The following DNAAF6 variants were observed in gnomAD, a reference collection of about 807,000 sequenced individuals.
DNAAF6 encodes the protein PIH1 domain containing 3.
Under a neutral mutation model 13.7 loss-of-function variants are expected in DNAAF6, and 3 were observed. That is an observed-to-expected ratio of 0.22 (90% CI 0.10 to 0.56). The LOEUF (loss-of-function observed/expected upper bound fraction) is 0.56, where lower values mean the gene tolerates loss of function less well. Among genes scored for constraint, DNAAF6 ranks in the 20% least tolerant of loss-of-function variants. The pLI, the probability that DNAAF6 is intolerant of heterozygous loss-of-function variation, is 0.92. For missense variants in DNAAF6, 130 were observed against 151.0 expected (o/e 0.86, Z 0.73); for synonymous variants, 54 against 49.2 (o/e 1.10, Z -0.41).
intron 5 of DNAAF6, among the ~76,000 whole-genome samples, chrX:107,224,285 C>G (rs1391969466): frequency 2.7e-5 from 3 of 111,599 alleles, no homozygotes; most frequent in Non-Finnish European, 5.7e-5. Flanking sequence ...TGGGATAAGT[C>G]ATGGACACCA....
chrX:107,215,195 T>C (rs987421242), intron 2 of DNAAF6, among the ~76,000 whole-genome samples: 5 of 111,851 alleles, frequency 4.5e-5, no homozygotes, highest in African/African-American at 1.6e-4. Context: ...TTATTTTTAA[T>C]CATTTATTTT....
chrX:107,218,892 T>C lies in DNAAF6; in HGVS notation c.255T>C (p.Asn85=). 1.7e-6 allele frequency: 2 copies of C among 1,193,868 alleles called. No homozygotes were observed. The highest frequency in any genetic ancestry group is 2.2e-6 in the Non-Finnish European group (2 of 890,278). The change falls in exon 4 of 7, where the codon AAT becomes AAC. Residue 85 remains asparagine, a synonymous_variant. Transcript: ENST00000372453. The part of the protein sequence containing the change: ...KVIPETSEEN[N]EDIWNSEEIP... ...TCCCTGAAACCAGCGAGGAAAATAATGAGGACATCTGGAATTCAGAAGAGA... is the reference window on the plus strand; with the variant it reads ...TCCCTGAAACCAGCGAGGAAAATAACGAGGACATCTGGAATTCAGAAGAGA...
At chrX:107,214,546 C>T (rs1310104025) in intron 2 of DNAAF6, among the ~76,000 whole-genome samples, 2 of 110,734 alleles carry the variant, frequency 1.8e-5, no homozygotes, top group Non-Finnish European at 3.8e-5. Context: ...TGAGAATAGA[C>T]TAACATAATA....
At chrX:107,229,304 A>G (rs760911045) in intron 5 of DNAAF6, among the ~76,000 whole-genome samples, 19 of 106,207 alleles carry the variant, frequency 1.8e-4, no homozygotes, top group Admixed American at 1.6e-3. Context: ...CGCCTGGCTA[A>G]TTTTCATATT....
intron 5 of DNAAF6, among the ~76,000 whole-genome samples, chrX:107,227,703 A>G (rs1283610190): frequency 1.8e-5 from 2 of 111,292 alleles, no homozygotes; most frequent in African/African-American, 6.5e-5. Flanking sequence ...ACTCCTTCAT[A>G]ATGATGGTGG....
chrX:107,224,481 TAAAC>T (rs1479130807), intron 5 of DNAAF6, among the ~76,000 whole-genome samples: 2 of 111,651 alleles, frequency 1.8e-5, no homozygotes, highest in Non-Finnish European at 3.8e-5. Flanking sequence ...AAATAAATGA[TAAAC>T]AATCAATTGT....
chrX:107,216,853 A>G (rs1252953640), intron 3 of DNAAF6, 110 bp downstream of exon 3: 3 of 503,604 alleles, frequency 6.0e-6, no homozygotes, highest in Non-Finnish European at 6.1e-6. Context: ...TGAACTAAAT[A>G]ACAATGTATT....
chrX:107,216,855 C>G, intron 3 of DNAAF6, 112 bp downstream of exon 3: 1 of 495,726 alleles, frequency 2.0e-6, no homozygotes, highest in Non-Finnish European at 3.1e-6. Context: ...AACTAAATAA[C>G]AATGTATTGT....
intron 5 of DNAAF6, among the ~76,000 whole-genome samples, chrX:107,226,497 A>T (rs930584712): frequency 1.8e-5 from 2 of 111,773 alleles, no homozygotes; most frequent in Non-Finnish European, 3.8e-5. Context: ...AAAAAGAACT[A>T]TAGGTATAAA....
intron 1 of DNAAF6, 147 bp from the exon 2 acceptor site, chrX:107,212,726 T>C (rs1927885134): frequency 1.4e-6 from 1 of 704,836 alleles, no homozygotes; most frequent in East Asian, 4.2e-5. Context: ...ATACATATAT[T>C]TGAAGGAGTT....
chrX:107,224,120 C>G (rs1928206056), intron 5 of DNAAF6, among the ~76,000 whole-genome samples: 1 of 111,496 alleles, frequency 9.0e-6, no homozygotes. Flanking sequence ...TATGGTTTAT[C>G]TAAAACTCAA....
chrX:107,234,407 G>T (rs1356424132), intron 5 of DNAAF6, among the ~76,000 whole-genome samples: 2 of 111,681 alleles, frequency 1.8e-5, no homozygotes, highest in Non-Finnish European at 3.8e-5. Context: ...TAGTATGGCT[G>T]CAGTGGAAAA....
chrX:107,221,309 C>T (rs917582273), intron 4 of DNAAF6, among the ~76,000 whole-genome samples: 1 of 109,779 alleles, frequency 9.1e-6, no homozygotes. Flanking sequence ...CCACCGCCCC[C>T]CCGGCCCCGC....
At chrX:107,208,262 C>T (rs1449873242) in intron 1 of DNAAF6, among the ~76,000 whole-genome samples, 1 of 109,666 alleles carries the variant, frequency 9.1e-6, no homozygotes, top group Non-Finnish European at 1.9e-5. Context: ...GGCGAAACCC[C>T]GTCTCTACAA....
intron 5 of DNAAF6, among the ~76,000 whole-genome samples, chrX:107,229,127 CTTTTTTTTTTTTTTTTT>C (rs768372176): frequency 1.9e-5 from 1 of 51,586 alleles, no homozygotes; most frequent in Non-Finnish European, 3.1e-5. Context: ...GTTGACTACT[CTTTTTTTTTTTTTTTTT>C]TTTTTTTTTT....
At chrX:107,227,191 A>G (rs1928274370) in intron 5 of DNAAF6, among the ~76,000 whole-genome samples, 1 of 111,202 alleles carries the variant, frequency 9.0e-6, no homozygotes, top group African/African-American at 3.3e-5. Flanking sequence ...TCCCAGATTC[A>G]AACAATTCTC....
intron 3 of DNAAF6, among the ~76,000 whole-genome samples, chrX:107,217,213 A>G (rs1464800164): frequency 8.9e-6 from 1 of 111,849 alleles, no homozygotes; most frequent in Non-Finnish European, 1.9e-5. Context: ...CATTCCTTGC[A>G]TATTTTCTGA....
rs761455784 is a variant in DNAAF6 at position 107,212,601 on chromosome X, C to T, written c.-3-272C>T. Reference sequence around the variant, plus strand: ...AGTGATTATTAAGCACATTAAAACCCGAGAACCACTATACTAGGTGCTCAA... The same window carrying T: ...AGTGATTATTAAGCACATTAAAACCTGAGAACCACTATACTAGGTGCTCAA... On this transcript the variant is annotated intron_variant, in intron 1 of 6. Transcript: ENST00000372453. Among the ~76,000 whole-genome samples the T allele has an allele frequency of 1.3e-4, 14 of 111,715 alleles. No homozygotes were observed. The South Asian group carries it at 4.6e-3, about 36-fold the overall frequency.
chrX:107,231,994 A>G (rs1368709520), intron 5 of DNAAF6, among the ~76,000 whole-genome samples: 3 of 110,955 alleles, frequency 2.7e-5, no homozygotes, highest in Non-Finnish European at 5.7e-5. Flanking sequence ...AATAGCTGGG[A>G]TTACAGGTGC....
Sources: gnomAD v4.1 joint callset for allele counts (sites outside exome capture counted in the v4.1 genomes callset) on GRCh38, gnomAD v4.1.1 for gene constraint, MANE v1.5 for transcripts, NCBI Gene and HGNC (gene_info 2026-07-23, HGNC 2026-07-21) for gene names.